Variants in EBF1 observed in about 807,000 individuals in gnomAD.
EBF1 encodes EBF transcription factor 1, also known as transcription factor COE1.
EBF1 carries 10 observed loss-of-function variants against 68.4 expected under a neutral mutation model. The ratio of observed to expected loss-of-function variants is 0.15; its 90% CI spans 0.09 to 0.25. The LOEUF (loss-of-function observed/expected upper bound fraction) is 0.25. EBF1 is among the 10% of genes least tolerant of loss of function. The pLI, the probability that EBF1 is intolerant of heterozygous loss-of-function variation, is 1.00. For missense variants in EBF1, 509 were observed against 794.4 expected, an observed-to-expected ratio of 0.64 and a Z score of 4.32; for synonymous variants, 298 against 299.8, an observed-to-expected ratio of 0.99 and a Z score of 0.06.
chr5:158,924,721 C>T (rs762130491), intron 6 of EBF1, among the ~76,000 whole-genome samples: 1 of 150,940 alleles, frequency 6.6e-6, no homozygotes, highest in Non-Finnish European at 1.5e-5. Context: ...GGCGTGGTGG[C>T]GGGCGCCTGT....
At chr5:159,047,901 A>G (rs951703770) in intron 6 of EBF1, among the ~76,000 whole-genome samples, 9 of 152,176 alleles carry the variant, frequency 5.9e-5, no homozygotes, top group Non-Finnish European at 8.8e-5. Flanking sequence ...GGAAGGACAC[A>G]TGTTCAGCAT....
At chr5:158,763,903 G>A (rs543530041) in intron 10 of EBF1, among the ~76,000 whole-genome samples, 1 of 152,232 alleles carries the variant, frequency 6.6e-6, no homozygotes, top group South Asian at 2.1e-4. Flanking sequence ...TCTACAAAAT[G>A]TTAGGATTGG....
At chr5:158,889,742 G>A (rs752945602) in intron 6 of EBF1, among the ~76,000 whole-genome samples, 1 of 152,142 alleles carries the variant, frequency 6.6e-6, no homozygotes, top group African/African-American at 2.4e-5. Flanking sequence ...TACCAGCAGA[G>A]TCAAAGCCAA....
intron 6 of EBF1, among the ~76,000 whole-genome samples, chr5:159,047,566 C>G (rs1772675276): frequency 6.6e-6 from 1 of 152,126 alleles, no homozygotes; most frequent in African/African-American, 2.4e-5. Context: ...GTTCCTATAA[C>G]TGAAGGGACA....
At chr5:158,711,342 T>C (rs535111616) in intron 14 of EBF1, among the ~76,000 whole-genome samples, 3 of 152,338 alleles carry the variant, frequency 2.0e-5, no homozygotes, top group African/African-American at 4.8e-5. Flanking sequence ...TTTAGACTAT[T>C]GTTACTATGT....
At chr5:159,088,376 T>C (rs937678217) in intron 4 of EBF1, among the ~76,000 whole-genome samples, 1 of 152,152 alleles carries the variant, frequency 6.6e-6, no homozygotes, top group African/African-American at 2.4e-5. Context: ...AATTTTACCA[T>C]CTACATTTAG....
intron 6 of EBF1, among the ~76,000 whole-genome samples, chr5:158,944,063 A>G (rs1228531303): frequency 5.3e-5 from 8 of 152,098 alleles, no homozygotes; most frequent in Admixed American, 2.0e-4. Flanking sequence ...GAAATTCATC[A>G]GTTATTCTTT....
rs192844059 is a variant in EBF1, at chr5:158,974,014, G to A, written c.554+99382C>T. Among the ~76,000 whole-genome samples the A allele has an allele frequency of 3.8e-3, 576 of 152,246 alleles. 1 individual carries two copies. Among genetic ancestry groups the A allele is most frequent in the Non-Finnish European group, 7.0e-3 (478 of 68,016 alleles). The stretch of plus-strand genomic sequence containing the variant: ...TCCTAAATCATTTTGCTGGTGTTTC[G>A]ATTCATTCATGCCTCCATTGTAGAT... On this transcript the variant is annotated intron_variant, in intron 6 of 15. Coordinates refer to ENST00000313708, the MANE Select transcript of EBF1 (RefSeq NM_024007.5).
chr5:158,971,707 G>A (rs1561669567), intron 6 of EBF1, among the ~76,000 whole-genome samples: 1 of 152,222 alleles, frequency 6.6e-6, no homozygotes, highest in East Asian at 1.9e-4. Context: ...GCATGAAGAG[G>A]TCTAAATATA....
intron 10 of EBF1, among the ~76,000 whole-genome samples, chr5:158,733,327 T>C (rs1185301835): frequency 6.6e-6 from 1 of 152,230 alleles, no homozygotes; most frequent in Non-Finnish European, 1.5e-5. Flanking sequence ...CTTTTCAGTC[T>C]AAGATACCAG....
At chr5:158,810,064 G>C (rs190013987) in intron 8 of EBF1, among the ~76,000 whole-genome samples, 2 of 152,160 alleles carry the variant, frequency 1.3e-5, no homozygotes, top group East Asian at 3.8e-4. Flanking sequence ...AAAGGTAGAG[G>C]AATATGAGGT....
intron 10 of EBF1, among the ~76,000 whole-genome samples, chr5:158,752,602 C>T (rs934430860): frequency 5.9e-5 from 9 of 152,052 alleles, no homozygotes; most frequent in Non-Finnish European, 8.8e-5. Context: ...TAATACATTT[C>T]GTTACTGAGT....
At chr5:158,861,944 C>T (rs1562147541) in intron 6 of EBF1, among the ~76,000 whole-genome samples, 1 of 151,950 alleles carries the variant, frequency 6.6e-6, no homozygotes, top group Non-Finnish European at 1.5e-5. Flanking sequence ...ATTTAATAAC[C>T]ATATACAGAC....
intron 10 of EBF1, among the ~76,000 whole-genome samples, chr5:158,742,359 GAT>G (rs1766595141): frequency 6.6e-6 from 1 of 152,070 alleles, no homozygotes; most frequent in Admixed American, 6.5e-5. Flanking sequence ...TAATTGACAG[GAT>G]ATATGTTCCT....
rs1354162352 is a variant in EBF1, at chr5:158,851,442, A to C, written c.555-11332T>G. Among the ~76,000 whole-genome samples, 6 of 104,994 alleles carry C rather than the reference A, an allele frequency of 5.7e-5. No individual in the cohort carries two copies. In the East Asian group the frequency reaches 1.6e-3, roughly 29 times the overall value. 68.9% of individuals were successfully genotyped at this position (104,994 alleles called of 152,430 possible). Reference sequence around the variant, plus strand: ...GGGAAGGGAAGAAAGAAAAGGAAGAAGGGAAGGAGAGGGAAGGGGAGAAGG... The same window carrying C: ...GGGAAGGGAAGAAAGAAAAGGAAGACGGGAAGGAGAGGGAAGGGGAGAAGG... On this transcript the variant is annotated intron_variant, in intron 6 of 15. Transcript: ENST00000313708.
chr5:158,969,885 A>T (rs1476873613), intron 6 of EBF1, among the ~76,000 whole-genome samples: 1 of 107,626 alleles, frequency 9.3e-6, no homozygotes, highest in Non-Finnish European at 2.1e-5. Flanking sequence ...AGAAAGAAAG[A>T]AAGAAAGAAA....
At chr5:158,831,383 T>C (rs1787528125) in intron 7 of EBF1, among the ~76,000 whole-genome samples, 1 of 152,214 alleles carries the variant, frequency 6.6e-6, no homozygotes, top group South Asian at 2.1e-4. Context: ...GAATACGTGG[T>C]GAGCCCACTA....
At chr5:158,832,633 A>C (rs997780316) in intron 7 of EBF1, among the ~76,000 whole-genome samples, 1 of 152,234 alleles carries the variant, frequency 6.6e-6, no homozygotes, top group Non-Finnish European at 1.5e-5. Flanking sequence ...AGAAATAAAG[A>C]AGCACATATT....
intron 9 of EBF1, among the ~76,000 whole-genome samples, chr5:158,789,371 C>T (rs1778112045): frequency 6.6e-6 from 1 of 152,090 alleles, no homozygotes. Context: ...TAATATTTGA[C>T]ATAATGTCTT....
Sources: allele counts gnomAD v4.1 joint callset (sites outside exome capture counted in the v4.1 genomes callset), GRCh38; gene constraint gnomAD v4.1.1; transcripts MANE v1.5; gene names NCBI Gene and HGNC (gene_info 2026-07-23, HGNC 2026-07-21).